The following AFAP1 variants were observed in gnomAD, a reference collection of about 807,000 sequenced individuals.
The protein encoded by AFAP1 is actin filament associated protein 1.
A neutral mutation model predicts 93.9 loss-of-function variants in AFAP1; 75 were observed. The ratio of observed to expected loss-of-function variants is 0.80; its 90% CI spans 0.66 to 0.97. The LOEUF is 0.97. Ranked by LOEUF, AFAP1 falls within the 50% of genes least tolerant of loss-of-function variation. AFAP1 has a pLI of 0.00. For missense variants in AFAP1, 1,201 were observed against 1,050.8 expected (o/e 1.14, Z -1.98); for synonymous variants, 517 against 430.7 (o/e 1.20, Z -2.48).
chr4:7,818,422 T>C (rs1720676216), intron 7 of AFAP1, among the ~76,000 whole-genome samples: 1 of 152,192 alleles, frequency 6.6e-6, no homozygotes, highest in Non-Finnish European at 1.5e-5. Flanking sequence ...GTCTCTTCAA[T>C]GGCAGGAGGT....
At chr4:7,915,623 T>C (rs1720047024) in intron 1 of AFAP1, among the ~76,000 whole-genome samples, 1 of 152,274 alleles carries the variant, frequency 6.6e-6, no homozygotes, top group African/African-American at 2.4e-5. Context: ...TGCTACTTTC[T>C]AATGTGACTT....
intron 9 of AFAP1, among the ~76,000 whole-genome samples, chr4:7,803,224 G>A (rs1337092480): frequency 6.6e-6 from 1 of 152,184 alleles, no homozygotes; most frequent in Non-Finnish European, 1.5e-5. Context: ...CACATACTGA[G>A]GTGCATTAAG....
At chr4:7,910,649 C>T (rs545681041) in intron 1 of AFAP1, among the ~76,000 whole-genome samples, 4 of 152,346 alleles carry the variant, frequency 2.6e-5, no homozygotes, top group African/African-American at 7.2e-5. Context: ...CTCTCTCCCC[C>T]GTTCACCCGT....
In AFAP1 at chr4:7,781,614, TC is replaced by T; in HGVS notation, c.1543del (p.Asp515ThrfsTer100). ...TCTGCTGCAGGAAGCAGGAAAGCCG[TC>T]TTCCGGTTCCCACTGCAACACACAT... ...PCINGSWEPEDGFPASCSRGL... is the reference protein window; with the variant it reads ...PCINGSWEPEXGFPASCSRGL... On this transcript the variant is annotated frameshift_variant, in exon 13 of 18. Coordinates refer to ENST00000420658, the MANE Select transcript of AFAP1 (RefSeq NM_001134647.2). LOFTEE classifies it high-confidence loss of function. The T allele has an allele frequency of 6.4e-7, 1 of 1,551,776 alleles. No individual in the cohort carries two copies. Among genetic ancestry groups the T allele is most frequent in the Non-Finnish European group, 8.7e-7 (1 of 1,147,008 alleles).
chr4:7,919,808 C>A (rs561694092), intron 1 of AFAP1, among the ~76,000 whole-genome samples: 1 of 152,158 alleles, frequency 6.6e-6, no homozygotes, highest in East Asian at 1.9e-4. Flanking sequence ...CGCCCCACCC[C>A]CAACAGGCCC....
chr4:7,836,447 T>C (rs1712307488), intron 6 of AFAP1, among the ~76,000 whole-genome samples: 1 of 152,216 alleles, frequency 6.6e-6, no homozygotes, highest in Admixed American at 6.5e-5. Context: ...CTAATGGGTA[T>C]GGCGTTCTTT....
intron 7 of AFAP1, among the ~76,000 whole-genome samples, chr4:7,818,756 T>C (rs1466193806): frequency 6.6e-6 from 1 of 152,252 alleles, no homozygotes; most frequent in Non-Finnish European, 1.5e-5. Flanking sequence ...AAACGCCTGC[T>C]GTATTCCGGA....
intron 6 of AFAP1, among the ~76,000 whole-genome samples, chr4:7,825,329 G>A (rs1024911904): frequency 2.0e-5 from 3 of 151,994 alleles, no homozygotes; most frequent in Admixed American, 6.6e-5. Flanking sequence ...CCTTTTATGC[G>A]GCAGTTCTTT....
intron 9 of AFAP1, among the ~76,000 whole-genome samples, chr4:7,805,987 G>A (rs921349998): frequency 2.6e-5 from 4 of 152,170 alleles, no homozygotes; most frequent in East Asian, 1.9e-4. Flanking sequence ...AGCCACAGGC[G>A]GAAATAGGGA....
intron 5 of AFAP1, 135 bp from the exon 6 acceptor site, chr4:7,838,838 A>T: frequency 1.2e-5 from 8 of 660,548 alleles, no homozygotes; most frequent in Admixed American, 2.9e-5. Context: ...GCAGGTTCAC[A>T]CACACACACA....
At chr4:7,773,533 G>A (rs1045263567) in intron 15 of AFAP1, 2 of 153,586 alleles carry the variant, frequency 1.3e-5, no homozygotes, top group African/African-American at 4.8e-5. Context: ...GGGCAGATGA[G>A]AACACCAATC....
At chr4:7,811,748 C>T (rs966400275) in intron 8 of AFAP1, among the ~76,000 whole-genome samples, 3 of 152,136 alleles carry the variant, frequency 2.0e-5, no homozygotes, top group African/African-American at 4.8e-5. Context: ...CCAACCCTGG[C>T]GGCACCCGGG....
At chr4:7,851,642 T>C (rs997803021) in intron 4 of AFAP1, among the ~76,000 whole-genome samples, 2 of 152,128 alleles carry the variant, frequency 1.3e-5, no homozygotes, top group African/African-American at 2.4e-5. Context: ...CACGTATATG[T>C]GGACATGATG....
intron 6 of AFAP1, among the ~76,000 whole-genome samples, chr4:7,833,534 C>T (rs896899612): frequency 2.6e-5 from 4 of 151,334 alleles, no homozygotes; most frequent in East Asian, 3.9e-4. Flanking sequence ...CACTTCTACA[C>T]TGCTGGTGGG....
At chr4:7,856,911 G>C (rs559221766) in intron 3 of AFAP1, among the ~76,000 whole-genome samples, 1 of 152,296 alleles carries the variant, frequency 6.6e-6, no homozygotes, top group African/African-American at 2.4e-5. Flanking sequence ...GAATCCTTCA[G>C]GGCATGTATT....
At chr4:7,863,405 C>T (rs1577311843) in intron 3 of AFAP1, among the ~76,000 whole-genome samples, 2 of 151,960 alleles carry the variant, frequency 1.3e-5, no homozygotes, top group African/African-American at 2.4e-5. Context: ...GGCGACAAAG[C>T]GAGACTGCCA....
chr4:7,856,427 G>C (rs906355236), intron 3 of AFAP1, among the ~76,000 whole-genome samples: 2 of 152,108 alleles, frequency 1.3e-5, no homozygotes, highest in African/African-American at 4.8e-5. Context: ...ATTTTTAGTA[G>C]AGACAGGGTT....
At chr4:7,907,757 A>G (rs994036010) in intron 1 of AFAP1, among the ~76,000 whole-genome samples, 2 of 152,200 alleles carry the variant, frequency 1.3e-5, no homozygotes, top group Non-Finnish European at 2.9e-5. Context: ...AAAAATCTGA[A>G]ACACTTCTGG....
rs144199590 is a variant in AFAP1 at position 7,890,964 on chromosome 4, G to A, written c.-2-18884C>T. On this transcript the variant is annotated intron_variant, in intron 1 of 17. Transcript: ENST00000420658. ...TGCATGTGTCTACATAAAAACAATG[G>A]CAGCTTTCTTCATAACAGCCCAAAA... Among the ~76,000 whole-genome samples the A allele has an allele frequency of 9.9e-5, 15 of 152,120 alleles. No individual in the cohort carries two copies. The East Asian group carries it at 2.5e-3, about 25-fold the overall frequency.
Sources: gnomAD v4.1 joint callset for allele counts (sites outside exome capture counted in the v4.1 genomes callset) on GRCh38, gnomAD v4.1.1 for gene constraint, MANE v1.5 for transcripts, NCBI Gene and HGNC (gene_info 2026-07-23, HGNC 2026-07-21) for gene names.